SLFN5: variants seen among roughly 807,000 people sequenced by gnomAD.
The protein encoded by SLFN5 is schlafen family member 5.
In SLFN5, 34 loss-of-function variants were observed where a neutral mutation model predicts 48.5. That is an observed-to-expected ratio of 0.70 (90% CI 0.53 to 0.93). The LOEUF is 0.93. Ranked by LOEUF, SLFN5 falls within the 40% of genes least tolerant of loss-of-function variation. The pLI, the probability that SLFN5 is intolerant of heterozygous loss-of-function variation, is 0.00. For missense variants in SLFN5, 1,006 were observed against 1,071.3 expected (o/e 0.94, Z 0.85); for synonymous variants, 387 against 396.2 (o/e 0.98, Z 0.28).
chr17:35,264,600 A>G lies in SLFN5; in HGVS notation c.1556A>G (p.Asn519Ser). The G allele has an allele frequency of 6.2e-7, 1 of 1,614,148 alleles. No homozygotes were observed. Among genetic ancestry groups the G allele is most frequent in the Non-Finnish European group, 8.5e-7 (1 of 1,180,016 alleles). The change falls in exon 4 of 5, where the codon AAC becomes AGC. Residue 519 changes from asparagine (N) to serine (S), a missense_variant. Transcript: ENST00000299977. ...TTACAAATTTACCCTGAATCCTATA[A>G]CTTCATGACCCCCCAGCACATGGAA... ...SYLQIYPESY[N>S]FMTPQHMEAL... is the part of the protein sequence containing the mutation.
At chr17:35,254,828 C>T (rs1316159332) in intron 1 of SLFN5, among the ~76,000 whole-genome samples, 1 of 152,158 alleles carries the variant, frequency 6.6e-6, no homozygotes, top group Non-Finnish European at 1.5e-5. Flanking sequence ...ACCAGCCTGG[C>T]TAACATGGCG....
chr17:35,264,013 G>A (rs1298662846), intron 3 of SLFN5, among the ~76,000 whole-genome samples, 170 bp from the exon 4 acceptor site: 1 of 151,918 alleles, frequency 6.6e-6, no homozygotes, highest in African/African-American at 2.4e-5. Flanking sequence ...GTTTATACCA[G>A]CTAATTAGCG....
intron 1 of SLFN5, among the ~76,000 whole-genome samples, chr17:35,250,721 A>G (rs914722397): frequency 1.4e-4 from 22 of 151,790 alleles, no homozygotes; most frequent in African/African-American, 5.1e-4. Flanking sequence ...TTCAGTTCTG[A>G]TACAATATAA....
In SLFN5 at chr17:35,269,832, A is replaced by G. The variant is rs1170785835; in HGVS notation, c.*3944A>G. On this transcript the variant is annotated 3_prime_UTR_variant, in exon 5 of 5. Coordinates refer to ENST00000299977, the MANE Select transcript of SLFN5 (RefSeq NM_144975.4). ...AGTAGGATGAAAGGATGTTGGGTAG[A>G]TCAAAACAACAAATGTCCATTACAG... 2 of 152,270 alleles carry G rather than the reference A, an allele frequency of 1.3e-5. No homozygotes were observed. Among genetic ancestry groups the G allele is most frequent in the African/African-American group, 4.8e-5 (2 of 41,480 alleles). The allele number at this position is 152,270 out of a possible 1,614,324, so 9.4% of individuals were successfully genotyped here.
At chr17:35,264,128 G>T in intron 3 of SLFN5, 55 bp from the exon 4 acceptor site, 1 of 1,516,568 alleles carries the variant, frequency 6.6e-7, no homozygotes, top group South Asian at 1.3e-5. Flanking sequence ...GTATAATGAT[G>T]ATTACTAGCT....
intron 4 of SLFN5, 67 bp from the exon 5 acceptor site, chr17:35,265,005 A>T: frequency 4.5e-6 from 7 of 1,549,872 alleles, no homozygotes; most frequent in Non-Finnish European, 6.1e-6. Context: ...CCATGACCAG[A>T]GGGGTTTAAG....
Position 35,272,823 on chromosome 17 carries a change from T to C in SLFN5, c.*6935T>C, listed in dbSNP as rs1400642366. 1.3e-5 allele frequency: 2 copies of C among 152,212 alleles called. No homozygotes were observed. Among genetic ancestry groups the C allele is most frequent in the Non-Finnish European group, 2.9e-5 (2 of 68,022 alleles). 9.4% of individuals were successfully genotyped at this position (152,212 alleles called of 1,614,324 possible). Reference sequence around the variant, plus strand: ...GTATCAATTGACAAAATTACTCAGATTGGTAACAAACTTTAAGGGGGAAAG... The same window carrying C: ...GTATCAATTGACAAAATTACTCAGACTGGTAACAAACTTTAAGGGGGAAAG... On this transcript the variant is annotated 3_prime_UTR_variant, in exon 5 of 5. Transcript: ENST00000299977.
At chr17:35,244,184 A>G (rs1231084899) in intron 1 of SLFN5, among the ~76,000 whole-genome samples, 1 of 152,154 alleles carries the variant, frequency 6.6e-6, no homozygotes, top group Admixed American at 6.6e-5. Context: ...TAGAAAAAGG[A>G]ATATTGGGCA....
intron 1 of SLFN5, among the ~76,000 whole-genome samples, chr17:35,252,564 T>C (rs569534204): frequency 2.6e-5 from 4 of 152,334 alleles, no homozygotes; most frequent in African/African-American, 9.6e-5. Flanking sequence ...TGGATGCTTT[T>C]AAGATTTTTT....
At chr17:35,263,043 C>T (rs1170198193) in intron 3 of SLFN5, among the ~76,000 whole-genome samples, 3 of 152,222 alleles carry the variant, frequency 2.0e-5, no homozygotes, top group Admixed American at 2.0e-4. Flanking sequence ...ATGCCTTCCT[C>T]ACCATCCTTG....
rs2671820 is a variant in SLFN5, at chr17:35,271,690, A to T, written c.*5802A>T. 6.6e-6 allele frequency: 1 copy of T among 152,194 alleles called. No homozygotes were observed. The highest frequency in any genetic ancestry group is 2.4e-5 in the African/African-American group (1 of 41,456). The allele number at this position is 152,194 out of a possible 1,614,324, so 9.4% of individuals were successfully genotyped here. On this transcript the variant is annotated 3_prime_UTR_variant, in exon 5 of 5. Transcript: ENST00000299977. ...AATCTATAAATTCAGTGTAATCCCA[A>T]TAAAAATGCCAACAGGTTTTCCCCA...
In SLFN5 at chr17:35,264,781, A is replaced by G. The variant is rs1234211504; in HGVS notation, c.1737A>G (p.Leu579=). Residue 579 remains leucine (L), a synonymous_variant, in exon 4 of 5, where the codon TTA becomes TTG. Transcript: ENST00000299977. The part of the protein sequence containing the change: ...RKTRELFVHG[L]PGSGKTILAL... Reference sequence around the variant, plus strand: ...CCAGAGAGTTGTTTGTTCATGGCTTACCTGGATCAGGGAAGACTATCTTGG... The same window carrying G: ...CCAGAGAGTTGTTTGTTCATGGCTTGCCTGGATCAGGGAAGACTATCTTGG... 9.4e-6 allele frequency: 15 copies of G among 1,597,288 alleles called. No homozygotes were observed. The highest frequency in any genetic ancestry group is 1.2e-5 in the Non-Finnish European group (14 of 1,173,916).
rs752651282 is a variant in SLFN5, at chr17:35,259,701, A to G, written c.1011A>G (p.Pro337=). 6.3e-7 allele frequency: 1 copy of G among 1,599,112 alleles called. No individual in the cohort carries two copies. The highest frequency in any genetic ancestry group is 8.5e-7 in the Non-Finnish European group (1 of 1,179,340). Reference sequence around the variant, plus strand: ...CTGCTTGGATGATGGAAGCTGACCCAGGTTAGGGAGCAATATCCACAATGG... The same window carrying G: ...CTGCTTGGATGATGGAAGCTGACCCGGGTTAGGGAGCAATATCCACAATGG... The part of the protein sequence containing the change: ...EWTAWMMEAD[P]DLSRCPEMVL... The change falls in exon 2 of 5, where the codon CCA becomes CCG. Residue 337 remains proline (P), a splice_region_variant and synonymous_variant. Coordinates refer to ENST00000299977, the MANE Select transcript of SLFN5 (RefSeq NM_144975.4).
Position 35,266,117 on chromosome 17 carries a change from A to T in SLFN5, c.*229A>T, listed in dbSNP as rs1282222745. On this transcript the variant is annotated 3_prime_UTR_variant, in exon 5 of 5. Transcript: ENST00000299977. ...TCCCATGGTAAAAAGGGATATCAGTAATTAGAGGACCGTGAGACTCAGAGA... is the reference window on the plus strand; with the variant it reads ...TCCCATGGTAAAAAGGGATATCAGTTATTAGAGGACCGTGAGACTCAGAGA... The T allele has an allele frequency of 2.0e-6, 1 of 506,686 alleles. No individual in the cohort carries two copies. The highest frequency in any genetic ancestry group is 3.5e-6 in the Non-Finnish European group (1 of 286,050). The allele number at this position is 506,686 out of a possible 1,614,324, so 31.4% of individuals were successfully genotyped here.
At chr17:35,244,128 C>T (rs1004181838) in intron 1 of SLFN5, among the ~76,000 whole-genome samples, 1 of 152,116 alleles carries the variant, frequency 6.6e-6, no homozygotes, top group African/African-American at 2.4e-5. Flanking sequence ...CTATATCCTC[C>T]TGCTTGACAA....
chr17:35,252,302 G>A (rs1338437382), intron 1 of SLFN5, among the ~76,000 whole-genome samples: 1 of 151,996 alleles, frequency 6.6e-6, no homozygotes, highest in Non-Finnish European at 1.5e-5. Context: ...ATTGTGGCGC[G>A]TTCTTGTAGT....
intron 1 of SLFN5, among the ~76,000 whole-genome samples, chr17:35,256,109 A>G (rs1390997102): frequency 6.6e-6 from 1 of 152,236 alleles, no homozygotes; most frequent in Non-Finnish European, 1.5e-5. Context: ...CTGTAATGCC[A>G]GTATATTGGG....
At position 35,265,300 on chromosome 17, in the gene SLFN5, C is replaced by A; in HGVS notation, c.2088C>A (p.Leu696=). The change falls in exon 5 of 5, where the codon CTC becomes CTA. Residue 696 remains leucine (L), a synonymous_variant. Coordinates refer to ENST00000299977, the MANE Select transcript of SLFN5 (RefSeq NM_144975.4). ...FQTYHLSCSG[L]PPPSDQYPRE... is the part of the protein sequence containing the mutation. ...CCTATCACTTGAGTTGCAGTGGCCT[C>A]CCCCCTCCCTCAGACCAGTATCCAA... 3 of 1,614,066 alleles carry A rather than the reference C, an allele frequency of 1.9e-6. No homozygotes were observed. Among genetic ancestry groups the A allele is most frequent in the African/African-American group, 1.3e-5 (1 of 75,012 alleles).
chr17:35,264,460 T>C lies in SLFN5; in HGVS notation c.1416T>C (p.Tyr472=). ...GCKGYSMIVA[Y]SLKQKLVNKG... ...AGGGCTATTCTATGATAGTTGCCTA[T>C]TCTTTGAAGCAGAAGCTGGTGAACA... is the stretch of plus-strand genomic sequence containing the variant. The change falls in exon 4 of 5, where the codon TAT becomes TAC. Residue 472 remains tyrosine (Y), a synonymous_variant. Transcript: ENST00000299977. 6.2e-7 allele frequency: 1 copy of C among 1,614,198 alleles called. No individual in the cohort carries two copies. The highest frequency in any genetic ancestry group is 8.5e-7 in the Non-Finnish European group (1 of 1,180,036).
Sources: allele counts gnomAD v4.1 joint callset (sites outside exome capture counted in the v4.1 genomes callset), GRCh38; gene constraint gnomAD v4.1.1; transcripts MANE v1.5; gene names NCBI Gene and HGNC (gene_info 2026-07-23, HGNC 2026-07-21).